The following PIBF1 variants were observed in gnomAD, a reference collection of about 807,000 sequenced individuals.
The protein encoded by PIBF1 is progesterone immunomodulatory binding factor 1, also known as progesterone-induced-blocking factor 1.
PIBF1 carries 90 observed loss-of-function variants against 112.5 expected under a neutral mutation model. The observed-to-expected ratio is 0.80, with a 90% confidence interval of 0.67 to 0.95. The LOEUF is 0.95. PIBF1 is among the 40% of genes least tolerant of loss of function. The probability of loss-of-function intolerance (pLI) is 0.00; values close to 1 mark genes in which losing one functional copy is unlikely to be tolerated. For missense variants in PIBF1, 915 were observed against 852.3 expected (o/e 1.07, Z -0.92); for synonymous variants, 301 against 288.6 (o/e 1.04, Z -0.44).
chr13:72,872,647 T>A (rs1022124215), intron 10 of PIBF1, among the ~76,000 whole-genome samples: 17 of 152,160 alleles, frequency 1.1e-4, no homozygotes. Flanking sequence ...TCATAATTGC[T>A]TTGTATGAGG....
intron 14 of PIBF1, among the ~76,000 whole-genome samples, chr13:72,961,303 C>A (rs1019268388): frequency 6.6e-6 from 1 of 152,064 alleles, no homozygotes; most frequent in African/African-American, 2.4e-5. Flanking sequence ...CCACTATATC[C>A]ATCCCACTGT....
chr13:72,840,777 C>T (rs1031435546), intron 9 of PIBF1, among the ~76,000 whole-genome samples: 6 of 152,142 alleles, frequency 3.9e-5, no homozygotes, highest in African/African-American at 7.2e-5. Flanking sequence ...CTGCCTGCCT[C>T]GGCCTCCCAA....
intron 3 of PIBF1, 104 bp downstream of exon 3, chr13:72,792,651 T>A: frequency 1.7e-6 from 1 of 602,678 alleles, no homozygotes; most frequent in South Asian, 2.5e-5. Flanking sequence ...TAGAGAAATT[T>A]TAAGTCAGAG....
intron 17 of PIBF1, among the ~76,000 whole-genome samples, chr13:73,002,183 A>G (rs1299434387): frequency 6.6e-6 from 1 of 152,098 alleles, no homozygotes; most frequent in Non-Finnish European, 1.5e-5. Flanking sequence ...CTCAATAAAT[A>G]TTTGCTGAAG....
chr13:73,015,192 A>G (rs182509261), intron 17 of PIBF1, among the ~76,000 whole-genome samples: 4 of 151,942 alleles, frequency 2.6e-5, no homozygotes, highest in South Asian at 2.1e-4. Flanking sequence ...GGGTCTCACT[A>G]TGTTGCCCAG....
chr13:72,930,939 G>T (rs1433683439), intron 13 of PIBF1, among the ~76,000 whole-genome samples: 1 of 152,192 alleles, frequency 6.6e-6, no homozygotes, highest in Admixed American at 6.5e-5. Context: ...GCAGTAATCA[G>T]TCTATCACGG....
chr13:72,934,283 A>C (rs897536994), intron 14 of PIBF1, among the ~76,000 whole-genome samples: 1 of 151,920 alleles, frequency 6.6e-6, no homozygotes, highest in Non-Finnish European at 1.5e-5. Context: ...CAGGATCTTT[A>C]TTCTTTATTT....
In PIBF1 at chr13:72,931,969, T is replaced by G. The variant is rs535880466; in HGVS notation, c.1833+702T>G. On this transcript the variant is annotated intron_variant, in intron 14 of 17. Coordinates refer to ENST00000326291, the MANE Select transcript of PIBF1 (RefSeq NM_006346.4). ...TTTTTTTTTTTTTTCTGAGACAGGG[T>G]CTGGCTTTATCGCCCAGACTGGAGT... is the stretch of plus-strand genomic sequence containing the variant. 3.5e-5 allele frequency among the ~76,000 whole-genome samples: 5 copies of G among 143,740 alleles called. No homozygotes were observed. In the East Asian group the frequency reaches 1.0e-3, roughly 29 times the overall value. 94.3% of individuals were successfully genotyped at this position (143,740 alleles called of 152,430 possible). A position where few individuals can be genotyped will look rare whatever the true frequency, so the allele number is the denominator to read the frequency against.
chr13:72,795,268 C>G, intron 3 of PIBF1, 91 bp from the exon 4 acceptor site: 1 of 784,666 alleles, frequency 1.3e-6, no homozygotes, highest in Admixed American at 3.0e-5. Flanking sequence ...TTCTGATTTC[C>G]TAACTTTATG....
chr13:72,792,281 A>C (rs1350068012), intron 2 of PIBF1, among the ~76,000 whole-genome samples, 166 bp from the exon 3 acceptor site: 2 of 151,954 alleles, frequency 1.3e-5, no homozygotes, highest in African/African-American at 4.8e-5. Context: ...GGGCAACAGC[A>C]CTTGGCCTTC....
chr13:72,872,069 G>C (rs2039190477), intron 10 of PIBF1, among the ~76,000 whole-genome samples: 1 of 151,950 alleles, frequency 6.6e-6, no homozygotes, highest in South Asian at 2.1e-4. Context: ...ATTGTTCCTG[G>C]GTGCATGACT....
rs146898160 is a variant in PIBF1, at chr13:72,985,932, T to C, written c.2049+12257T>C. 5.2e-3 allele frequency among the ~76,000 whole-genome samples: 787 copies of C among 152,222 alleles called. 2 individuals carry two copies. The highest frequency in any genetic ancestry group is 0.016 in the African/African-American group (673 of 41,540). ...TGGGAGGCTGAGGCAGAAGGATTGC[T>C]TGGAGCCCAGGAGTTGTGTACTAGC... On this transcript the variant is annotated intron_variant, in intron 16 of 17. Coordinates refer to ENST00000326291, the MANE Select transcript of PIBF1 (RefSeq NM_006346.4).
At chr13:72,871,283 C>G (rs1447448052) in intron 10 of PIBF1, among the ~76,000 whole-genome samples, 1 of 152,008 alleles carries the variant, frequency 6.6e-6, no homozygotes, top group East Asian at 1.9e-4. Flanking sequence ...CAAGTGGTGT[C>G]TGTCTGTCTG....
chr13:72,989,517 G>C (rs976035086), intron 16 of PIBF1, among the ~76,000 whole-genome samples: 6 of 152,200 alleles, frequency 3.9e-5, no homozygotes, highest in African/African-American at 7.2e-5. Flanking sequence ...GATGTGAACT[G>C]TCTAGAACTG....
At chr13:73,013,249 C>A (rs1380364292) in intron 17 of PIBF1, among the ~76,000 whole-genome samples, 1 of 135,700 alleles carries the variant, frequency 7.4e-6, no homozygotes, top group Admixed American at 7.9e-5. Context: ...TGCAGTGAGC[C>A]GAGATCGCGC....
chr13:72,896,775 A>G (rs895741781), intron 11 of PIBF1, among the ~76,000 whole-genome samples: 13 of 152,206 alleles, frequency 8.5e-5, no homozygotes, highest in African/African-American at 2.9e-4. Flanking sequence ...AAATATGACT[A>G]AAGCCTCCAA....
At chr13:72,989,590 C>A (rs1020057460) in intron 16 of PIBF1, among the ~76,000 whole-genome samples, 36 of 152,104 alleles carry the variant, frequency 2.4e-4, no homozygotes, top group African/African-American at 8.7e-4. Flanking sequence ...GTGATGGGGG[C>A]ATGGCAGGAT....
At chr13:72,914,403 T>G (rs1400511280) in intron 12 of PIBF1, among the ~76,000 whole-genome samples, 5 of 152,166 alleles carry the variant, frequency 3.3e-5, no homozygotes, top group African/African-American at 4.8e-5. Context: ...GATTTCTAGT[T>G]GTTAAATTCA....
chr13:72,793,143 A>G (rs1476540889), intron 3 of PIBF1, among the ~76,000 whole-genome samples: 1 of 152,124 alleles, frequency 6.6e-6, no homozygotes, highest in Non-Finnish European at 1.5e-5. Flanking sequence ...TTAGGATCTC[A>G]TGCCATTGTA....
Sources: gnomAD v4.1 joint callset for allele counts (sites outside exome capture counted in the v4.1 genomes callset) on GRCh38, gnomAD v4.1.1 for gene constraint, MANE v1.5 for transcripts, NCBI Gene and HGNC (gene_info 2026-07-23, HGNC 2026-07-21) for gene names.